The following GRIA4 variants were observed in gnomAD, a reference collection of about 807,000 sequenced individuals.
The protein encoded by GRIA4 is glutamate ionotropic receptor AMPA type subunit 4.
A neutral mutation model predicts 104.0 loss-of-function variants in GRIA4; 34 were observed. The ratio of observed to expected loss-of-function variants is 0.33; its 90% CI spans 0.25 to 0.44. The LOEUF (loss-of-function observed/expected upper bound fraction) is 0.44. Among genes scored for constraint, GRIA4 ranks in the 20% least tolerant of loss-of-function variants. The pLI is 1.00. For synonymous variants in GRIA4, 386 were observed against 381.9 expected (o/e 1.01, Z -0.13); for missense variants, 750 against 1,096.5 (o/e 0.68, Z 4.46).
At chr11:105,906,094 A>T (rs192515694) in intron 9 of GRIA4, among the ~76,000 whole-genome samples, 7 of 152,264 alleles carry the variant, frequency 4.6e-5, no homozygotes, top group Admixed American at 6.5e-5. Context: ...TAAAAAAAAA[A>T]TTTCCAAAAT....
chr11:105,961,174 A>G (rs1235790122), intron 14 of GRIA4, among the ~76,000 whole-genome samples: 2 of 152,168 alleles, frequency 1.3e-5, no homozygotes, highest in Non-Finnish European at 2.9e-5. Flanking sequence ...TATCTTTCCT[A>G]TTATGAATGG....
chr11:105,865,766 T>A (rs540733396), intron 5 of GRIA4, among the ~76,000 whole-genome samples: 1 of 152,334 alleles, frequency 6.6e-6, no homozygotes, highest in African/African-American at 2.4e-5. Context: ...TGTCAGACTT[T>A]GGTTCACATG....
intron 5 of GRIA4, among the ~76,000 whole-genome samples, chr11:105,864,994 A>G (rs1020724753): frequency 1.3e-5 from 2 of 152,248 alleles, no homozygotes; most frequent in Non-Finnish European, 2.9e-5. Flanking sequence ...AGTTCAGACA[A>G]TATTCTCTCA....
chr11:105,685,688 G>A (rs1952857341), intron 3 of GRIA4, among the ~76,000 whole-genome samples: 1 of 152,150 alleles, frequency 6.6e-6, no homozygotes, highest in Non-Finnish European at 1.5e-5. Context: ...AAGTAGGATG[G>A]AGGACATTCT....
At chr11:105,692,257 A>ATTT (rs1290707530) in intron 3 of GRIA4, among the ~76,000 whole-genome samples, 312 of 150,972 alleles carry the variant, frequency 2.1e-3, no homozygotes, top group Non-Finnish European at 3.1e-3. Flanking sequence ...CTTTTTTTTA[A>ATTT]AAAAAAAAAG....
chr11:105,704,542 A>C (rs555640986), intron 3 of GRIA4, among the ~76,000 whole-genome samples: 10 of 152,234 alleles, frequency 6.6e-5, no homozygotes, highest in African/African-American at 2.4e-4. Flanking sequence ...CATCTTAATA[A>C]AAATAGAGGC....
intron 6 of GRIA4, among the ~76,000 whole-genome samples, chr11:105,891,174 A>G (rs912440790): frequency 6.6e-6 from 1 of 152,118 alleles, no homozygotes; most frequent in Non-Finnish European, 1.5e-5. Context: ...GACAAGTATG[A>G]TGATATCGTT....
At chr11:105,687,991 A>C (rs1952939270) in intron 3 of GRIA4, among the ~76,000 whole-genome samples, 1 of 152,188 alleles carries the variant, frequency 6.6e-6, no homozygotes, top group Admixed American at 6.5e-5. Context: ...TCATGATTCA[A>C]GCATGACTTC....
At chr11:105,640,416 T>C (rs1463771349) in intron 3 of GRIA4, among the ~76,000 whole-genome samples, 1 of 151,894 alleles carries the variant, frequency 6.6e-6, no homozygotes, top group African/African-American at 2.4e-5. Context: ...ACAATTAAAA[T>C]AATAATTCTA....
At chr11:105,743,465 C>A (rs1438393947) in intron 3 of GRIA4, among the ~76,000 whole-genome samples, 1 of 152,154 alleles carries the variant, frequency 6.6e-6, no homozygotes, top group Non-Finnish European at 1.5e-5. Flanking sequence ...CCAATAATAT[C>A]TGCTATTATT....
intron 3 of GRIA4, among the ~76,000 whole-genome samples, chr11:105,654,257 G>A (rs1021296905): frequency 6.6e-6 from 1 of 151,540 alleles, no homozygotes; most frequent in Non-Finnish European, 1.5e-5. Flanking sequence ...CAGTGAAATA[G>A]GAATAAATTT....
chr11:105,738,369 C>A (rs1939086205), intron 3 of GRIA4, among the ~76,000 whole-genome samples: 1 of 150,130 alleles, frequency 6.7e-6, no homozygotes, highest in African/African-American at 2.5e-5. Context: ...AACTATGTGC[C>A]AAGCGTTAGG....
chr11:105,829,325 G>A (rs1943888371), intron 4 of GRIA4, among the ~76,000 whole-genome samples: 1 of 151,936 alleles, frequency 6.6e-6, no homozygotes, highest in South Asian at 2.1e-4. Flanking sequence ...TCACTGACTA[G>A]CTCTTTAGCA....
intron 4 of GRIA4, among the ~76,000 whole-genome samples, chr11:105,812,712 T>A (rs1193464153): frequency 6.6e-6 from 1 of 152,148 alleles, no homozygotes; most frequent in Non-Finnish European, 1.5e-5. Flanking sequence ...TTCTGAATCA[T>A]ACCCTACTCG....
intron 3 of GRIA4, 81 bp from the exon 4 acceptor site, chr11:105,752,900 T>TC (rs1940086919): frequency 2.2e-6 from 3 of 1,334,910 alleles, no homozygotes; most frequent in Non-Finnish European, 3.2e-6. Context: ...TTTTATTTTT[T>TC]TAATTTTCTA....
chr11:105,971,059 A>G (rs535216599), intron 14 of GRIA4, among the ~76,000 whole-genome samples: 1 of 152,166 alleles, frequency 6.6e-6, no homozygotes, highest in East Asian at 1.9e-4. Context: ...GAGTTTGTCT[A>G]TTCAGAAAAA....
At chr11:105,844,848 A>G (rs1944526881) in intron 4 of GRIA4, among the ~76,000 whole-genome samples, 1 of 152,216 alleles carries the variant, frequency 6.6e-6, no homozygotes, top group South Asian at 2.1e-4. Context: ...ATCTATATAT[A>G]GAAACCTGTG....
intron 14 of GRIA4, among the ~76,000 whole-genome samples, chr11:105,953,927 T>G (rs888282852): frequency 1.3e-5 from 2 of 152,218 alleles, no homozygotes; most frequent in African/African-American, 4.8e-5. Context: ...TCTTTTTTTG[T>G]AAATAGCACA....
intron 4 of GRIA4, among the ~76,000 whole-genome samples, chr11:105,816,642 C>T (rs1329058867): frequency 3.9e-5 from 6 of 152,036 alleles, no homozygotes; most frequent in African/African-American, 1.4e-4. Flanking sequence ...GCAACAATGG[C>T]CTAATACATG....
Sources: gnomAD v4.1 joint callset for allele counts (sites outside exome capture counted in the v4.1 genomes callset) on GRCh38, gnomAD v4.1.1 for gene constraint, MANE v1.5 for transcripts, NCBI Gene and HGNC (gene_info 2026-07-23, HGNC 2026-07-21) for gene names.